Variants in CNTNAP2 observed in about 807,000 individuals in gnomAD.
CNTNAP2 encodes contactin associated protein 2.
CNTNAP2 carries 98 observed loss-of-function variants against 155.2 expected under a neutral mutation model. That is an observed-to-expected ratio of 0.63 (90% CI 0.54 to 0.75). CNTNAP2 has a LOEUF of 0.75. CNTNAP2 is among the 30% of genes least tolerant of loss of function. The pLI, the probability that CNTNAP2 is intolerant of heterozygous loss-of-function variation, is 0.00. For missense variants in CNTNAP2, 1,727 were observed against 1,688.1 expected, an observed-to-expected ratio of 1.02 and a Z score of -0.40; for synonymous variants, 651 against 631.2, an observed-to-expected ratio of 1.03 and a Z score of -0.47.
chr7:147,253,329 C>G (rs1804244543), intron 8 of CNTNAP2, among the ~76,000 whole-genome samples: 1 of 150,464 alleles, frequency 6.6e-6, no homozygotes, highest in Non-Finnish European at 1.5e-5. Flanking sequence ...CACGTAGAAG[C>G]ATCAGCCAGA....
chr7:146,721,890 T>TATATATATATATATATATATATATATA (rs1491454260), intron 1 of CNTNAP2, among the ~76,000 whole-genome samples: 2 of 75,616 alleles, frequency 2.6e-5, no homozygotes, highest in Non-Finnish European at 2.4e-5. Flanking sequence ...TATATATATA[T>TATATATATATATATATATATATATATA]TTTTTTTTTT....
rs186118619 is a variant in CNTNAP2 at position 148,069,902 on chromosome 7, C to T, written c.2384-48216C>T. On this transcript the variant is annotated intron_variant, in intron 15 of 23. Transcript: ENST00000361727. ...AAATACTTGCTCTAAAAATTAGATTCTAGATATTATCTGAATATGTGCCAG... is the reference window on the plus strand; with the variant it reads ...AAATACTTGCTCTAAAAATTAGATTTTAGATATTATCTGAATATGTGCCAG... Among the ~76,000 whole-genome samples the T allele has an allele frequency of 6.4e-4, 97 of 152,218 alleles. 2 individuals carry two copies. The South Asian group carries it at 0.02, about 31-fold the overall frequency.
chr7:147,998,514 C>A (rs1480001143), intron 15 of CNTNAP2, among the ~76,000 whole-genome samples: 1 of 152,094 alleles, frequency 6.6e-6, no homozygotes, highest in East Asian at 1.9e-4. Context: ...TCATCTATTT[C>A]AGGATAAGTT....
chr7:148,277,634 G>A lies in CNTNAP2; in HGVS notation c.3475+10508G>A, dbSNP rs573464951. On this transcript the variant is annotated intron_variant, in intron 21 of 23. Coordinates refer to ENST00000361727, the MANE Select transcript of CNTNAP2 (RefSeq NM_014141.6). ...CCCTACACAGCAACCTCTCCCCAGA[G>A]CCCCAGACTGGGAAGCAAGGCAAGA... Among the ~76,000 whole-genome samples the A allele has an allele frequency of 5.0e-5, 7 of 139,366 alleles. No homozygotes were observed. The East Asian group carries it at 1.3e-3, about 27-fold the overall frequency. The allele number at this position is 139,366 out of a possible 152,430, so 91.4% of individuals were successfully genotyped here.
At chr7:147,359,024 A>G (rs1056337283) in intron 9 of CNTNAP2, among the ~76,000 whole-genome samples, 1 of 152,182 alleles carries the variant, frequency 6.6e-6, no homozygotes, top group Non-Finnish European at 1.5e-5. Context: ...TATACCTGGC[A>G]CACTTCATTT....
At chr7:147,632,477 C>T (rs985967542) in intron 12 of CNTNAP2, among the ~76,000 whole-genome samples, 12 of 152,114 alleles carry the variant, frequency 7.9e-5, no homozygotes, top group Non-Finnish European at 1.6e-4. Flanking sequence ...TCTGCCTTTG[C>T]GTTGCTCTCA....
intron 1 of CNTNAP2, among the ~76,000 whole-genome samples, chr7:146,374,024 G>C (rs928396167): frequency 2.0e-5 from 3 of 151,992 alleles, no homozygotes; most frequent in Admixed American, 2.0e-4. Context: ...TTTAAACAGG[G>C]GTGTCAACCA....
intron 12 of CNTNAP2, among the ~76,000 whole-genome samples, chr7:147,569,136 T>C (rs771036423): frequency 6.6e-6 from 1 of 152,220 alleles, no homozygotes; most frequent in Non-Finnish European, 1.5e-5. Flanking sequence ...CTGATCAAAT[T>C]CTATTATCCT....
chr7:147,772,446 C>CTATATATATATATA (rs58027241), intron 13 of CNTNAP2, among the ~76,000 whole-genome samples: 27 of 63,714 alleles, frequency 4.2e-4, no homozygotes, highest in East Asian at 6.3e-4. Flanking sequence ...CTCTCTCTCG[C>CTATATATATATATA]TATATATATA....
chr7:147,811,561 G>A (rs1166905713), intron 13 of CNTNAP2, among the ~76,000 whole-genome samples: 1 of 152,114 alleles, frequency 6.6e-6, no homozygotes, highest in Non-Finnish European at 1.5e-5. Context: ...CCCTAGGGAG[G>A]AAGTGCCAAA....
intron 11 of CNTNAP2, among the ~76,000 whole-genome samples, chr7:147,528,359 T>G (rs1799363713): frequency 6.6e-6 from 1 of 152,096 alleles, no homozygotes. Flanking sequence ...GCCACATTGG[T>G]TGGTTTTCTA....
At chr7:146,791,141 C>T (rs530768173) in intron 2 of CNTNAP2, among the ~76,000 whole-genome samples, 21 of 151,314 alleles carry the variant, frequency 1.4e-4, no homozygotes, top group Non-Finnish European at 2.5e-4. Context: ...CTCCCTGTGT[C>T]CATGTGTTCT....
At chr7:146,980,473 A>G (rs1161305085) in intron 3 of CNTNAP2, among the ~76,000 whole-genome samples, 8 of 152,172 alleles carry the variant, frequency 5.3e-5, no homozygotes, top group Non-Finnish European at 8.8e-5. Context: ...CAGGTGTGGA[A>G]TCTGTTTTTG....
chr7:147,830,638 G>T (rs1798532133), intron 13 of CNTNAP2, among the ~76,000 whole-genome samples: 1 of 152,174 alleles, frequency 6.6e-6, no homozygotes, highest in South Asian at 2.1e-4. Flanking sequence ...TTCATTGACT[G>T]CCTACTATTT....
intron 1 of CNTNAP2, among the ~76,000 whole-genome samples, chr7:146,773,465 G>C (rs1802332541): frequency 6.6e-6 from 1 of 152,160 alleles, no homozygotes; most frequent in Non-Finnish European, 1.5e-5. Flanking sequence ...GCACGATCTT[G>C]GCTCACCGCA....
chr7:146,774,862 TGTAAAAAATC>T (rs972558742), intron 2 of CNTNAP2, among the ~76,000 whole-genome samples: 1 of 152,158 alleles, frequency 6.6e-6, no homozygotes, highest in African/African-American at 2.4e-5. Context: ...ATAAAATCTG[TGTAAAAAATC>T]GTTAGATGTG....
chr7:148,216,888 T>C (rs1795648221), intron 18 of CNTNAP2, among the ~76,000 whole-genome samples: 1 of 152,132 alleles, frequency 6.6e-6, no homozygotes, highest in African/African-American at 2.4e-5. Context: ...GCTGATGGTT[T>C]TATAAATGGG....
At chr7:147,103,027 T>C (rs538826608) in intron 4 of CNTNAP2, among the ~76,000 whole-genome samples, 53 of 152,318 alleles carry the variant, frequency 3.5e-4, no homozygotes, top group African/African-American at 1.3e-3. Context: ...AGCGAGATTC[T>C]TGAAATTTCT....
chr7:146,152,075 G>T (rs1798060840), intron 1 of CNTNAP2, among the ~76,000 whole-genome samples: 2 of 151,812 alleles, frequency 1.3e-5, no homozygotes, highest in Non-Finnish European at 2.9e-5. Flanking sequence ...TATATTTATT[G>T]CAGTATTATT....
Sources: gnomAD v4.1 joint callset for allele counts (sites outside exome capture counted in the v4.1 genomes callset) on GRCh38, gnomAD v4.1.1 for gene constraint, MANE v1.5 for transcripts, NCBI Gene and HGNC (gene_info 2026-07-23, HGNC 2026-07-21) for gene names.